DYRK3: variants seen among roughly 807,000 people sequenced by gnomAD.
DYRK3 encodes the protein dual specificity tyrosine-phosphorylation-regulated kinase 3.
A neutral mutation model predicts 40.8 loss-of-function variants in DYRK3; 30 were observed. That is an observed-to-expected ratio of 0.74 (90% confidence interval 0.55 to 1.00). The LOEUF is 1.00. Ranked by LOEUF, DYRK3 falls within the 50% of genes least tolerant of loss-of-function variation. The pLI is 0.00. For missense variants in DYRK3, 699 were observed against 731.5 expected (o/e 0.96, Z 0.51); for synonymous variants, 272 against 260.7 (o/e 1.04, Z -0.42).
intron 2 of DYRK3, among the ~76,000 whole-genome samples, chr1:206,639,938 T>C (rs1671238159): frequency 6.9e-6 from 1 of 144,122 alleles, no homozygotes; most frequent in Non-Finnish European, 1.5e-5. Context: ...CTTTTTTTTT[T>C]TTTTTTTTTT....
At chr1:206,636,933 C>T (rs1277412564) in intron 1 of DYRK3, 2 of 1,613,420 alleles carry the variant, frequency 1.2e-6, no homozygotes, top group South Asian at 1.1e-5. Flanking sequence ...AGAATTTTGC[C>T]TCCACCATCC....
Position 206,655,127 on chromosome 1 carries a change from T to C in DYRK3, c.*6162T>C, listed in dbSNP as rs952347424. ...CAGTGGTTTTTTATTTTGGGGTGTT[T>C]TTTAAAAAATAAAAATGAATTGCTT... On this transcript the variant is annotated 3_prime_UTR_variant, in exon 3 of 3. Coordinates refer to ENST00000367109, the MANE Select transcript of DYRK3 (RefSeq NM_003582.4). 2.6e-5 allele frequency among the ~76,000 whole-genome samples: 4 copies of C among 152,242 alleles called. No individual in the cohort carries two copies. Among genetic ancestry groups the C allele is most frequent in the African/African-American group, 9.6e-5 (4 of 41,466 alleles).
At chr1:206,639,421 A>G (rs1040801497) in intron 2 of DYRK3, among the ~76,000 whole-genome samples, 2 of 150,542 alleles carry the variant, frequency 1.3e-5, no homozygotes, top group East Asian at 1.9e-4. Context: ...ACTATTTGCA[A>G]TTGGGTTGAA....
rs1553420932 is a variant in DYRK3 at position 206,648,990 on chromosome 1, C to T, written c.*25C>T. 1.3e-6 allele frequency: 2 copies of T among 1,560,908 alleles called. No individual in the cohort carries two copies. The highest frequency in any genetic ancestry group is 2.7e-5 in the African/African-American group (2 of 73,596). On this transcript the variant is annotated 3_prime_UTR_variant, in exon 3 of 3. Transcript: ENST00000367109. ...GTGGACAGAGATATGCCCAGAGATG[C>T]ATATGTGTATATTTTTATGATCTTA...
chr1:206,649,394 C>G lies in DYRK3; in HGVS notation c.*429C>G, dbSNP rs1230248759. Among the ~76,000 whole-genome samples, 1 of 152,124 alleles carries G rather than the reference C, an allele frequency of 6.6e-6. No individual in the cohort carries two copies. Among genetic ancestry groups the G allele is most frequent in the Non-Finnish European group, 1.5e-5 (1 of 68,018 alleles). On this transcript the variant is annotated 3_prime_UTR_variant, in exon 3 of 3. Transcript: ENST00000367109. ...GAGAGCCAGTGCTAGGTCCCTTGCC[C>G]CACTAGGCCATTCTCTAGGCTCATT...
Position 206,637,660 on chromosome 1 carries a change from G to T in DYRK3, c.88G>T (p.Gly30Cys). The change falls in exon 2 of 3, where the codon GGT (glycine) becomes TGT (cysteine). Residue 30 changes from glycine to cysteine, a missense_variant. By Grantham distance (159) the Gly-to-Cys change is radical. Transcript: ENST00000367109. Reference protein sequence around the residue: ...LPPQQRRLGDGVYDTFMMIDE... With the variant: ...LPPQQRRLGDCVYDTFMMIDE... Reference sequence around the variant, plus strand: ...AATCCTTTTAACTAGGTTGGGGGATGGTGTCTATGACACCTTCATGATGAT... The same window carrying T: ...AATCCTTTTAACTAGGTTGGGGGATTGTGTCTATGACACCTTCATGATGAT... 4 of 1,612,352 alleles carry T rather than the reference G, an allele frequency of 2.5e-6. No homozygotes were observed. Among genetic ancestry groups the T allele is most frequent in the Admixed American group, 1.7e-5 (1 of 59,870 alleles).
rs55982485 is a variant in DYRK3 at position 206,648,180 on chromosome 1, A to G, written c.982A>G (p.Lys328Glu). 4.3e-6 allele frequency: 7 copies of G among 1,614,024 alleles called. No individual in the cohort carries two copies. The highest frequency in any genetic ancestry group is 4.0e-5 in the African/African-American group (3 of 74,882). The change falls in exon 3 of 3, where the codon AAA becomes GAA. Residue 328 changes from lysine to glutamate, a missense_variant. Lys to Glu is a moderately conservative substitution (Grantham distance 56). Transcript: ENST00000367109. ...SILQSLDALH[K>E]NKIIHCDLKP... Reference sequence around the variant, plus strand: ...CTTGCAATCTTTGGATGCCCTCCACAAAAATAAGATTATTCACTGCGATCT... The same window carrying G: ...CTTGCAATCTTTGGATGCCCTCCACGAAAATAAGATTATTCACTGCGATCT...
intron 2 of DYRK3, among the ~76,000 whole-genome samples, chr1:206,645,427 TTTATCCTAGACTTCCTTTTA>T (rs1553419942): frequency 1.5e-5 from 1 of 65,464 alleles, no homozygotes; most frequent in Non-Finnish European, 4.1e-5. Flanking sequence ...CTTCCTTTTA[TTTATCCTAGACTTCCTTTTA>T]TTTTTAAGAA....
At chr1:206,636,036 C>T (rs1321130620) in intron 1 of DYRK3, 1 of 1,467,236 alleles carries the variant, frequency 6.8e-7, no homozygotes, top group African/African-American at 1.4e-5. Flanking sequence ...TGGATTCCCT[C>T]TGAAACCCTA....
At chr1:206,636,456 A>C (rs1052313012) in intron 1 of DYRK3, among the ~76,000 whole-genome samples, 6 of 152,328 alleles carry the variant, frequency 3.9e-5, no homozygotes, top group African/African-American at 1.2e-4. Context: ...GCTTATGGCA[A>C]AGGGTCAGTC....
At position 206,654,966 on chromosome 1, in the gene DYRK3, G is replaced by A. The variant is rs1305687268; in HGVS notation, c.*6001G>A. Among the ~76,000 whole-genome samples the A allele has an allele frequency of 3.3e-5, 5 of 152,188 alleles. No homozygotes were observed. Among genetic ancestry groups the A allele is most frequent in the African/African-American group, 2.4e-5 (1 of 41,444 alleles). Reference sequence around the variant, plus strand: ...CCCACATCAGGCCAAGTGGTGACCTGTGGCTATTTCAGCTCAGAATGTCAG... The same window carrying A: ...CCCACATCAGGCCAAGTGGTGACCTATGGCTATTTCAGCTCAGAATGTCAG... On this transcript the variant is annotated 3_prime_UTR_variant, in exon 3 of 3. Transcript: ENST00000367109.
In DYRK3 at chr1:206,637,705, C is replaced by T; in HGVS notation, c.133C>T (p.Pro45Ser). The T allele has an allele frequency of 6.2e-7, 1 of 1,614,018 alleles. No individual in the cohort carries two copies. The highest frequency in any genetic ancestry group is 8.5e-7 in the Non-Finnish European group (1 of 1,179,978). ...GATGATAGATGAAACCAAATGTCCC[C>T]CCTGTTCAAATGTACTCTGCAATCC... is the stretch of plus-strand genomic sequence containing the variant. Reference protein sequence around the residue: ...FMMIDETKCPPCSNVLCNPSE... With the variant: ...FMMIDETKCPSCSNVLCNPSE... The change falls in exon 2 of 3, where the codon CCC becomes TCC. Residue 45 changes from proline (P) to serine (S), a missense_variant. Transcript: ENST00000367109.
intron 2 of DYRK3, among the ~76,000 whole-genome samples, chr1:206,645,480 C>T (rs1207899617): frequency 4.6e-5 from 7 of 151,888 alleles, no homozygotes; most frequent in Admixed American, 4.6e-4. Flanking sequence ...TTTTATCTTT[C>T]CAGCCCCTTC....
chr1:206,649,751 T>C lies in DYRK3; in HGVS notation c.*786T>C, dbSNP rs556545030. The stretch of plus-strand genomic sequence containing the variant: ...CACAATTGACCCAGAGTGGTAAAGA[T>C]AGAGAATCAGCATGAAAACTGCAGT... On this transcript the variant is annotated 3_prime_UTR_variant, in exon 3 of 3. Coordinates refer to ENST00000367109, the MANE Select transcript of DYRK3 (RefSeq NM_003582.4). Among the ~76,000 whole-genome samples the C allele has an allele frequency of 2.0e-5, 3 of 152,320 alleles. No homozygotes were observed. The highest frequency in any genetic ancestry group is 1.9e-4 in the East Asian group (1 of 5,184).
In DYRK3 at chr1:206,647,635, C is replaced by T. The variant is rs1553420357; in HGVS notation, c.437C>T (p.Ala146Val). The stretch of plus-strand genomic sequence containing the variant: ...GTGGTGCCTCTGACTCCAGAACAAG[C>T]CCTGAAGCAATATAAACACCACCTC... The part of the protein sequence containing the change: ...PKVVPLTPEQ[A>V]LKQYKHHLTA... The change falls in exon 3 of 3, where the codon GCC (alanine) becomes GTC (valine). Residue 146 changes from alanine (A) to valine (V), a missense_variant. Coordinates refer to ENST00000367109, the MANE Select transcript of DYRK3 (RefSeq NM_003582.4). The T allele has an allele frequency of 1.2e-6, 2 of 1,614,152 alleles. No homozygotes were observed. The highest frequency in any genetic ancestry group is 1.7e-5 in the Admixed American group (1 of 60,018).
chr1:206,653,684 T>C lies in DYRK3; in HGVS notation c.*4719T>C, dbSNP rs781959088. Among the ~76,000 whole-genome samples, 2 of 152,174 alleles carry C rather than the reference T, an allele frequency of 1.3e-5. No individual in the cohort carries two copies. The highest frequency in any genetic ancestry group is 2.4e-5 in the African/African-American group (1 of 41,430). ...CTTCTGGTCCAGTGTTAGATACAGT[T>C]ACCTTGATAATAATGAAAAAAAAAT... On this transcript the variant is annotated 3_prime_UTR_variant, in exon 3 of 3. Coordinates refer to ENST00000367109, the MANE Select transcript of DYRK3 (RefSeq NM_003582.4).
At chr1:206,637,383 G>A (rs1553418536) in intron 1 of DYRK3, among the ~76,000 whole-genome samples, 1 of 152,236 alleles carries the variant, frequency 6.6e-6, no homozygotes, top group Non-Finnish European at 1.5e-5. Context: ...AGATCCTTCT[G>A]ATAGTCCTTA....
rs2102350388 is a variant in DYRK3 at position 206,652,989 on chromosome 1, T to A, written c.*4024T>A. Among the ~76,000 whole-genome samples the A allele has an allele frequency of 6.6e-6, 1 of 152,300 alleles. No homozygotes were observed. Among genetic ancestry groups the A allele is most frequent in the East Asian group, 1.9e-4 (1 of 5,186 alleles). On this transcript the variant is annotated 3_prime_UTR_variant, in exon 3 of 3. Transcript: ENST00000367109. ...GACACGGTGAGAGTTGGGTTAGAAT[T>A]TTTATTTCATTCCCCAAGTCATTTT...
chr1:206,652,577 CAG>C lies in DYRK3; in HGVS notation c.*3615_*3616del, dbSNP rs1469915918. Among the ~76,000 whole-genome samples the C allele has an allele frequency of 4.6e-5, 7 of 152,182 alleles. No homozygotes were observed. Among genetic ancestry groups the C allele is most frequent in the African/African-American group, 1.4e-4 (6 of 41,440 alleles). On this transcript the variant is annotated 3_prime_UTR_variant, in exon 3 of 3. Transcript: ENST00000367109. ...TGGCAACCGAGAGAGTGATGCAGAG[CAG>C]AGTCATTGAAGTTGGCATACCTGTC... is the stretch of plus-strand genomic sequence containing the variant.
Sources: gnomAD v4.1 joint callset for allele counts (sites outside exome capture counted in the v4.1 genomes callset) on GRCh38, gnomAD v4.1.1 for gene constraint, MANE v1.5 for transcripts, NCBI Gene and HGNC (gene_info 2026-07-23, HGNC 2026-07-21) for gene names.